The following SCMH1 variants were observed in gnomAD, a reference collection of about 807,000 sequenced individuals.
The protein encoded by SCMH1 is Scm polycomb group protein homolog 1.
A neutral mutation model predicts 70.8 loss-of-function variants in SCMH1; 37 were observed. The ratio of observed to expected loss-of-function variants is 0.52; its 90% CI spans 0.40 to 0.69. The LOEUF (loss-of-function observed/expected upper bound fraction) is 0.69, where lower values mean the gene tolerates loss of function less well. SCMH1 is among the 30% of genes least tolerant of loss of function. The pLI is 0.00. For synonymous variants in SCMH1, 292 were observed against 307.4 expected (o/e 0.95, Z 0.52); for missense variants, 607 against 827.3 (o/e 0.73, Z 3.27).
At chr1:41,130,079 T>G (rs1190247606) in intron 6 of SCMH1, among the ~76,000 whole-genome samples, 1 of 152,208 alleles carries the variant, frequency 6.6e-6, no homozygotes, top group Admixed American at 6.5e-5. Flanking sequence ...CCCTAATGAT[T>G]AGTGATCATG....
At chr1:41,225,228 A>AG (rs1310408319) in intron 1 of SCMH1, among the ~76,000 whole-genome samples, 3 of 152,182 alleles carry the variant, frequency 2.0e-5, no homozygotes, top group Non-Finnish European at 4.4e-5. Flanking sequence ...CCTGGGTAGG[A>AG]GGTTCATTAC....
At chr1:41,150,933 T>C (rs1220227392) in intron 5 of SCMH1, among the ~76,000 whole-genome samples, 1 of 60,678 alleles carries the variant, frequency 1.6e-5, no homozygotes, top group Non-Finnish European at 2.7e-5. Flanking sequence ...TGAGACACCA[T>C]CTCAAAAAAA....
intron 9 of SCMH1, among the ~76,000 whole-genome samples, chr1:41,074,564 AT>A (rs1657597979): frequency 6.6e-6 from 1 of 152,126 alleles, no homozygotes. Context: ...AAAAAAAAAC[AT>A]TTACAGAGTT....
chr1:41,237,646 T>C (rs1435970017), intron 1 of SCMH1, among the ~76,000 whole-genome samples: 2 of 152,196 alleles, frequency 1.3e-5, no homozygotes, highest in East Asian at 3.8e-4. Context: ...CTGTGGTAGC[T>C]ATTTTTAACA....
intron 1 of SCMH1, among the ~76,000 whole-genome samples, chr1:41,194,924 G>T (rs567172061): frequency 1.1e-4 from 16 of 151,980 alleles, no homozygotes; most frequent in Admixed American, 6.6e-4. Context: ...GGTGGATCGG[G>T]AGTTCAAGTC....
intron 6 of SCMH1, among the ~76,000 whole-genome samples, chr1:41,131,043 T>C (rs1254297216): frequency 6.6e-6 from 1 of 152,194 alleles, no homozygotes; most frequent in East Asian, 1.9e-4. Context: ...AGCTCTTACA[T>C]TTAGGTCCAT....
intron 6 of SCMH1, among the ~76,000 whole-genome samples, chr1:41,136,402 G>A (rs1215081830): frequency 5.0e-5 from 7 of 140,276 alleles, no homozygotes; most frequent in Non-Finnish European, 9.1e-5. Flanking sequence ...TTTTTGAGAC[G>A]GAGTCTCACT....
chr1:41,028,428 C>A, intron 14 of SCMH1, 109 bp from the exon 16 acceptor site: 1 of 1,521,402 alleles, frequency 6.6e-7, no homozygotes, highest in Non-Finnish European at 9.0e-7. Flanking sequence ...GTGCCCGCCA[C>A]ATGGAGTCCA....
chr1:41,110,162 AGT>A (rs1668918626), intron 8 of SCMH1, among the ~76,000 whole-genome samples: 1 of 152,176 alleles, frequency 6.6e-6, no homozygotes, highest in African/African-American at 2.4e-5. Context: ...TGAGCCAAGA[AGT>A]GTGTTTCCCT....
chr1:41,220,144 G>T (rs964474606), intron 1 of SCMH1, among the ~76,000 whole-genome samples: 1 of 152,150 alleles, frequency 6.6e-6, no homozygotes, highest in African/African-American at 2.4e-5. Context: ...TAAGGTACTT[G>T]CCAGGTATTT....
At chr1:41,060,751 C>G (rs1048483356) in intron 10 of SCMH1, among the ~76,000 whole-genome samples, 1 of 152,084 alleles carries the variant, frequency 6.6e-6, no homozygotes, top group Non-Finnish European at 1.5e-5. Context: ...CTCAAGTGAT[C>G]CTCCTGCCTC....
intron 8 of SCMH1, among the ~76,000 whole-genome samples, chr1:41,081,867 C>T (rs1383764900): frequency 6.6e-6 from 1 of 151,502 alleles, no homozygotes; most frequent in Non-Finnish European, 1.5e-5. Context: ...ATGAATGAAT[C>T]AACAGAGCAA....
At chr1:41,197,387 C>T (rs979747587) in intron 1 of SCMH1, among the ~76,000 whole-genome samples, 2 of 152,134 alleles carry the variant, frequency 1.3e-5, no homozygotes, top group Admixed American at 6.5e-5. Context: ...CTGATAAATG[C>T]TACAACATGG....
exon 15 of SCMH1, chr1:41,028,071 C>T (rs1312768911): frequency 2.5e-6 from 3 of 1,205,382 alleles, no homozygotes; most frequent in African/African-American, 1.5e-5. Flanking sequence ...CTCCACACAG[C>T]CTCTTGGAGT....
At position 41,045,053 on chromosome 1, in the gene SCMH1, C is replaced by T. The variant is rs192237096; in HGVS notation, c.1498+1354G>A. Among the ~76,000 whole-genome samples the T allele has an allele frequency of 7.9e-5, 12 of 152,290 alleles. No individual in the cohort carries two copies. The East Asian group carries it at 2.3e-3, about 29-fold the overall frequency. On this transcript the variant is annotated intron_variant, in intron 12 of 14. Coordinates refer to ENST00000337495, the Ensembl canonical transcript of SCMH1. ...CATTCTTTCAGAATCCCAGGTAGGC[C>T]TAACTTTCACGTCTGAAATGTAGAT...
At chr1:41,076,699 G>A (rs770817629) in intron 8 of SCMH1, among the ~76,000 whole-genome samples, 35 of 152,174 alleles carry the variant, frequency 2.3e-4, no homozygotes, top group Non-Finnish European at 4.6e-4. Context: ...GAAGATGTGA[G>A]AGGGTATAAC....
At chr1:41,052,174 C>T (rs372436167) in intron 10 of SCMH1, among the ~76,000 whole-genome samples, 8 of 152,252 alleles carry the variant, frequency 5.3e-5, no homozygotes, top group African/African-American at 1.7e-4. Context: ...TGAGTAAGTA[C>T]GCTATGACAG....
chr1:41,075,622 T>C (rs1352308559), intron 8 of SCMH1, among the ~76,000 whole-genome samples, 171 bp from the exon 9 acceptor site: 1 of 152,198 alleles, frequency 6.6e-6, no homozygotes, highest in African/African-American at 2.4e-5. Context: ...TGAATTTAGA[T>C]TGGCTGGAAT....
At chr1:41,235,125 T>A (rs1027253796) in intron 1 of SCMH1, among the ~76,000 whole-genome samples, 1 of 152,152 alleles carries the variant, frequency 6.6e-6, no homozygotes, top group African/African-American at 2.4e-5. Context: ...TTAGATTGAA[T>A]AGGCCACTTG....
Sources: allele counts gnomAD v4.1 joint callset (sites outside exome capture counted in the v4.1 genomes callset), GRCh38; gene constraint gnomAD v4.1.1; transcripts MANE v1.5; gene names NCBI Gene and HGNC (gene_info 2026-07-23, HGNC 2026-07-21).